The following DAB1 variants were observed in gnomAD, a reference collection of about 807,000 sequenced individuals.
DAB1 encodes the protein disabled homolog 1.
DAB1 carries 15 observed loss-of-function variants against 64.6 expected under a neutral mutation model. That is an observed-to-expected ratio of 0.23 (90% CI 0.16 to 0.36). The LOEUF is 0.36. DAB1 is among the 10% of genes least tolerant of loss of function. The pLI is 1.00. For synonymous variants in DAB1, 235 were observed against 251.9 expected (o/e 0.93, Z 0.64); for missense variants, 596 against 706.7 (o/e 0.84, Z 1.78).
intron 3 of DAB1, among the ~76,000 whole-genome samples, chr1:58,347,389 C>T (rs1213434667): frequency 3.3e-5 from 5 of 152,272 alleles, no homozygotes; most frequent in East Asian, 1.9e-4. Flanking sequence ...TGCAGGCATG[C>T]GTGACTGCAC....
chr1:57,141,241 G>A (rs921843441), intron 3 of DAB1, among the ~76,000 whole-genome samples: 13 of 152,126 alleles, frequency 8.5e-5, no homozygotes, highest in Non-Finnish European at 1.9e-4. Context: ...TTTGACCAGA[G>A]ACTGATTCCT....
At chr1:57,016,106 T>C (rs1302767519) in intron 11 of DAB1, among the ~76,000 whole-genome samples, 1 of 152,154 alleles carries the variant, frequency 6.6e-6, no homozygotes, top group Non-Finnish European at 1.5e-5. Flanking sequence ...ATATGTGGAG[T>C]ATTGTACCTG....
chr1:57,675,999 T>A (rs1438089494), intron 6 of DAB1, among the ~76,000 whole-genome samples: 6 of 152,140 alleles, frequency 3.9e-5, no homozygotes, highest in African/African-American at 1.2e-4. Context: ...AATAATTCTG[T>A]GTGTGTGCAA....
chr1:57,632,099 T>A (rs1244226321), intron 7 of DAB1, among the ~76,000 whole-genome samples: 1 of 152,208 alleles, frequency 6.6e-6, no homozygotes, highest in East Asian at 1.9e-4. Flanking sequence ...GCCAGGGACC[T>A]GGTATACCTA....
intron 3 of DAB1, among the ~76,000 whole-genome samples, chr1:58,353,006 T>C (rs1296257183): frequency 6.6e-6 from 1 of 152,152 alleles, no homozygotes; most frequent in Non-Finnish European, 1.5e-5. Context: ...TAGTTTACGG[T>C]ATTTTTGCTT....
chr1:58,476,877 T>A (rs568815147), intron 3 of DAB1, among the ~76,000 whole-genome samples: 6 of 152,330 alleles, frequency 3.9e-5, no homozygotes, highest in Non-Finnish European at 7.3e-5. Context: ...TGGCAGTACA[T>A]GGAGGAAGAG....
chr1:57,175,759 T>C (rs1234743045), intron 2 of DAB1, among the ~76,000 whole-genome samples: 1 of 152,186 alleles, frequency 6.6e-6, no homozygotes, highest in Non-Finnish European at 1.5e-5. Context: ...GCTAACAGAA[T>C]TCTTATGCTA....
At chr1:57,330,655 G>C (rs1274172558) in intron 1 of DAB1, among the ~76,000 whole-genome samples, 1 of 152,186 alleles carries the variant, frequency 6.6e-6, no homozygotes, top group African/African-American at 2.4e-5. Flanking sequence ...TCGACGTGAT[G>C]TGCTTCTTGA....
chr1:58,081,049 T>C (rs948020693), intron 5 of DAB1, among the ~76,000 whole-genome samples: 1 of 152,160 alleles, frequency 6.6e-6, no homozygotes, highest in Non-Finnish European at 1.5e-5. Context: ...CCTTCTTATC[T>C]TCCAATAGGT....
At chr1:57,035,684 G>A (rs941536070) in intron 9 of DAB1, among the ~76,000 whole-genome samples, 1 of 152,064 alleles carries the variant, frequency 6.6e-6, no homozygotes, top group Non-Finnish European at 1.5e-5. Context: ...AGTGGAGTGG[G>A]TAATGACATC....
chr1:58,062,427 C>A (rs989960513), intron 5 of DAB1, among the ~76,000 whole-genome samples: 2 of 152,230 alleles, frequency 1.3e-5, no homozygotes, highest in Non-Finnish European at 2.9e-5. Context: ...ATGGTAGAAT[C>A]CCATGCAAGA....
chr1:57,569,132 C>T (rs1348643259), intron 7 of DAB1, among the ~76,000 whole-genome samples: 1 of 149,698 alleles, frequency 6.7e-6, no homozygotes, highest in Non-Finnish European at 1.5e-5. Flanking sequence ...ATGGCGGGCG[C>T]CTGTAGTCCC....
chr1:58,453,078 A>G (rs780478266), intron 3 of DAB1, among the ~76,000 whole-genome samples: 2 of 152,220 alleles, frequency 1.3e-5, no homozygotes, highest in Non-Finnish European at 2.9e-5. Context: ...AAAAACAACA[A>G]CAAACAACAT....
chr1:58,173,386 A>T (rs1041982444), intron 4 of DAB1, among the ~76,000 whole-genome samples: 1 of 152,140 alleles, frequency 6.6e-6, no homozygotes, highest in South Asian at 2.1e-4. Flanking sequence ...AAAAATCATC[A>T]TCTCTTCCCT....
intron 7 of DAB1, among the ~76,000 whole-genome samples, chr1:57,646,794 A>C (rs1558572721): frequency 6.6e-6 from 1 of 152,140 alleles, no homozygotes; most frequent in Non-Finnish European, 1.5e-5. Flanking sequence ...CTGGTTGCTG[A>C]AGAAATGTAA....
intron 6 of DAB1, among the ~76,000 whole-genome samples, chr1:57,652,651 G>T (rs895664688): frequency 6.6e-6 from 1 of 152,032 alleles, no homozygotes; most frequent in Non-Finnish European, 1.5e-5. Context: ...TCTTATTTTA[G>T]TTATTTAATT....
chr1:58,036,704 C>G (rs1647050037), intron 5 of DAB1, among the ~76,000 whole-genome samples: 1 of 152,020 alleles, frequency 6.6e-6, no homozygotes, highest in South Asian at 2.1e-4. Context: ...AGAGTGGAGG[C>G]AGAGGTACAG....
chr1:58,299,124 T>C (rs1557725531), intron 4 of DAB1, among the ~76,000 whole-genome samples: 1 of 152,190 alleles, frequency 6.6e-6, no homozygotes, highest in Non-Finnish European at 1.5e-5. Flanking sequence ...AAAGGAACTT[T>C]TACCCTATCT....
intron 2 of DAB1, among the ~76,000 whole-genome samples, chr1:57,182,635 A>G (rs929839309): frequency 2.6e-5 from 4 of 152,240 alleles, no homozygotes; most frequent in Non-Finnish European, 5.9e-5. Context: ...AGTATAATGT[A>G]ACTATAAAAC....
Sources: gnomAD v4.1 joint callset for allele counts (sites outside exome capture counted in the v4.1 genomes callset) on GRCh38, gnomAD v4.1.1 for gene constraint, MANE v1.5 for transcripts, NCBI Gene and HGNC (gene_info 2026-07-23, HGNC 2026-07-21) for gene names.